Variants in METTL23 observed in about 807,000 individuals in gnomAD.
The protein encoded by METTL23 is histone-arginine methyltransferase METTL23.
In METTL23, 24 loss-of-function variants were observed where a neutral mutation model predicts 21.2. The observed-to-expected ratio is 1.13, with a 90% CI of 0.82 to 1.59. The LOEUF (loss-of-function observed/expected upper bound fraction) is 1.59, where lower values mean the gene tolerates loss of function less well. Ranked by LOEUF, METTL23 falls within the 40% of genes most tolerant of loss-of-function variation. The pLI, the probability that METTL23 is intolerant of heterozygous loss-of-function variation, is 0.00. For synonymous variants in METTL23, 97 were observed against 75.2 expected, an observed-to-expected ratio of 1.29 and a Z score of -1.50; for missense variants, 276 against 221.4, an observed-to-expected ratio of 1.25 and a Z score of -1.57.
upstream of METTL23, chr17:76,726,254 C>G (rs2076929594): frequency 6.9e-7 from 1 of 1,441,386 alleles, no homozygotes; most frequent in Admixed American, 2.9e-5. Context: ...GTCCCGGGCG[C>G]TCGGGGCGAG....
chr17:76,731,347 G>A (rs929471872), intron 2 of METTL23, among the ~76,000 whole-genome samples: 2 of 152,242 alleles, frequency 1.3e-5, no homozygotes, highest in Admixed American at 1.3e-4. Flanking sequence ...TACAGGTTCA[G>A]TGTCTGGTGA....
intron 4 of METTL23, 64 bp downstream of exon 4, chr17:76,733,441 A>C (rs1441501508): frequency 6.3e-7 from 1 of 1,597,348 alleles, no homozygotes; most frequent in Non-Finnish European, 8.5e-7. Context: ...TACCCATGCG[A>C]TACATAATTT....
At chr17:76,732,943 A>G in intron 2 of METTL23, 35 bp from the exon 3 acceptor site, 2 of 1,503,096 alleles carry the variant, frequency 1.3e-6, no homozygotes, top group Non-Finnish European at 1.8e-6. Context: ...AGTTCCAAGT[A>G]TAATTGTGAA....
chr17:76,728,212 A>C (rs889705794), intron 1 of METTL23, among the ~76,000 whole-genome samples: 13 of 147,222 alleles, frequency 8.8e-5, no homozygotes, highest in African/African-American at 3.2e-4. Flanking sequence ...CTCAGGCATG[A>C]GCAACAGAGC....
rs1301642149 is a variant in METTL23 at position 76,727,076 on chromosome 17, G to C, written c.-124G>C. On this transcript the variant is annotated 5_prime_UTR_variant, in exon 1 of 5. Transcript: ENST00000341249. ...GGCCCAACGACGCCCTACTGGGCGA[G>C]CACGATTTCCGAGGACAGGGGGTCC... 4.4e-6 allele frequency: 2 copies of C among 454,934 alleles called. No individual in the cohort carries two copies. Among genetic ancestry groups the C allele is most frequent in the Non-Finnish European group, 8.8e-6 (2 of 226,376 alleles). 28.2% of individuals were successfully genotyped at this position (454,934 alleles called of 1,614,324 possible).
intron 2 of METTL23, among the ~76,000 whole-genome samples, chr17:76,730,974 G>A (rs1164794707): frequency 2.6e-5 from 4 of 152,240 alleles, no homozygotes; most frequent in East Asian, 1.9e-4. Context: ...GCCTGGTGGC[G>A]GGCGCCTGTA....
Position 76,733,202 on chromosome 17 carries a change from C to T in METTL23, c.309C>T (p.Phe103=), listed in dbSNP as rs756591597. The T allele has an allele frequency of 6.2e-7, 1 of 1,613,684 alleles. No homozygotes were observed. The highest frequency in any genetic ancestry group is 1.7e-5 in the Admixed American group (1 of 59,982). Residue 103 remains phenylalanine, a synonymous_variant, in exon 3 of 5, where the codon TTC becomes TTT. Transcript: ENST00000341249. ...ATATTATCCTTGCATCTGATGTGTT[C>T]TTTGAACCAGAAGGTAAGCTTTTTT... ...PQDIILASDV[F]FEPEDFEDIL...
chr17:76,726,361 G>C, upstream of METTL23: 6 of 1,592,302 alleles, frequency 3.8e-6, no homozygotes, highest in Non-Finnish European at 5.1e-6. Flanking sequence ...ACGGCCGCCG[G>C]GCTCAGCGAG....
upstream of METTL23, chr17:76,726,281 G>A (rs2076930913): frequency 6.7e-7 from 1 of 1,502,586 alleles, no homozygotes; most frequent in Admixed American, 2.3e-5. Flanking sequence ...CTCGGGCCCA[G>A]AGAAAGGTGC....
At chr17:76,727,856 C>T (rs1346112672) in intron 1 of METTL23, among the ~76,000 whole-genome samples, 1 of 152,170 alleles carries the variant, frequency 6.6e-6, no homozygotes, top group East Asian at 1.9e-4. Flanking sequence ...TGCCTAAGTG[C>T]TGGGATTGCA....
At chr17:76,732,406 C>A (rs1015702391) in intron 2 of METTL23, among the ~76,000 whole-genome samples, 2 of 151,910 alleles carry the variant, frequency 1.3e-5, no homozygotes, top group African/African-American at 4.8e-5. Flanking sequence ...GAGGCTGAGG[C>A]AGAATTGCTT....
chr17:76,726,392 C>T, upstream of METTL23: 1 of 1,605,398 alleles, frequency 6.2e-7, no homozygotes, highest in Non-Finnish European at 8.5e-7. Flanking sequence ...AGTAGTTGTG[C>T]CGGGTCCAAT....
At chr17:76,730,242 T>C (rs1033152445) in intron 2 of METTL23, among the ~76,000 whole-genome samples, 10 of 150,946 alleles carry the variant, frequency 6.6e-5, no homozygotes, top group African/African-American at 2.4e-4. Context: ...TGAGCAAAGA[T>C]CGCACCATTG....
intron 2 of METTL23, among the ~76,000 whole-genome samples, chr17:76,732,358 G>C (rs1030203149): frequency 7.2e-5 from 11 of 152,156 alleles, no homozygotes; most frequent in African/African-American, 2.7e-4. Flanking sequence ...AAAATTAGCT[G>C]GGCTTGGTGG....
At position 76,727,968 on chromosome 17, in the gene METTL23, G is replaced by T. The variant is rs79247877; in HGVS notation, c.-22+790G>T. Among the ~76,000 whole-genome samples, 760 of 152,358 alleles carry T rather than the reference G, an allele frequency of 5.0e-3. 12 individuals carry two copies. Among genetic ancestry groups the T allele is most frequent in the African/African-American group, 0.018 (732 of 41,588 alleles). On this transcript the variant is annotated intron_variant, in intron 1 of 4. Transcript: ENST00000341249. ...CACCAGCCTGTGAGGCATGTCCCAT[G>T]CTAAAGAAACAGCTTTAGAGAAGTT...
chr17:76,728,412 A>ATTTGTTTT (rs1463836132), intron 1 of METTL23, among the ~76,000 whole-genome samples: 1,186 of 14,700 alleles, frequency 0.081, 88 homozygotes, highest in African/African-American at 0.099. Context: ...GGCTTCACGG[A>ATTTGTTTT]TTTTTTTTTT....
chr17:76,728,734 C>G (rs149680543), intron 1 of METTL23, among the ~76,000 whole-genome samples: 1 of 149,688 alleles, frequency 6.7e-6, no homozygotes, highest in Non-Finnish European at 1.5e-5. Context: ...AATACACTTG[C>G]ATTTCTTCCT....
chr17:76,729,094 C>A (rs535235205), intron 1 of METTL23, among the ~76,000 whole-genome samples: 1 of 150,440 alleles, frequency 6.6e-6, no homozygotes, highest in Non-Finnish European at 1.5e-5. Context: ...CCACCACGCC[C>A]GGCCATTTTT....
chr17:76,726,807 C>A (rs1268857682), upstream of METTL23: 1 of 390,490 alleles, frequency 2.6e-6, no homozygotes, highest in East Asian at 6.7e-5. Flanking sequence ...CCCGCCCCGC[C>A]CCTCCCCTCC....
Sources: gnomAD v4.1 joint callset for allele counts (sites outside exome capture counted in the v4.1 genomes callset) on GRCh38, gnomAD v4.1.1 for gene constraint, MANE v1.5 for transcripts, NCBI Gene and HGNC (gene_info 2026-07-23, HGNC 2026-07-21) for gene names.